Variants in NBPF3 observed in about 807,000 individuals in gnomAD.
NBPF3 encodes the protein NBPF member 3.
A neutral mutation model predicts 78.1 loss-of-function variants in NBPF3; 57 were observed. The observed-to-expected ratio is 0.73, with a 90% CI of 0.59 to 0.91. The LOEUF (loss-of-function observed/expected upper bound fraction) is 0.91, where lower values mean the gene tolerates loss of function less well. Among genes scored for constraint, NBPF3 ranks in the 40% least tolerant of loss-of-function variants. The probability of loss-of-function intolerance (pLI) is 0.00; values close to 1 mark genes in which losing one functional copy is unlikely to be tolerated. For synonymous variants in NBPF3, 182 were observed against 271.7 expected (o/e 0.67, Z 3.25); for missense variants, 510 against 715.3 (o/e 0.71, Z 3.27).
At chr1:21,454,523 A>G (rs576767476) in intron 2 of NBPF3, among the ~76,000 whole-genome samples, 2 of 152,166 alleles carry the variant, frequency 1.3e-5, no homozygotes, top group Non-Finnish European at 2.9e-5. Context: ...AGACCTGATA[A>G]TATGACTTAT....
chr1:21,469,754 A>G (rs1015378669), intron 3 of NBPF3, among the ~76,000 whole-genome samples: 6 of 152,100 alleles, frequency 3.9e-5, no homozygotes, highest in Non-Finnish European at 5.9e-5. Context: ...GGTGAGAGGG[A>G]AGTCCTGCTT....
In NBPF3 at chr1:21,445,770, C is replaced by G. The variant is rs534574665; in HGVS notation, c.133+551C>G. On this transcript the variant is annotated intron_variant, in intron 2 of 14. Transcript: ENST00000318249. ...AAAGTGGCCACTTTTGAAGGCCTTT[C>G]CCACCTCCCATTCCAGAATCCTGTA... is the stretch of plus-strand genomic sequence containing the variant. 2.1e-3 allele frequency among the ~76,000 whole-genome samples: 321 copies of G among 152,256 alleles called. 6 individuals are homozygous for G. The highest frequency in any genetic ancestry group is 6.6e-4 in the Non-Finnish European group (45 of 68,028).
intron 1 of NBPF3, among the ~76,000 whole-genome samples, chr1:21,444,294 C>T (rs1162074203): frequency 3.3e-5 from 5 of 152,202 alleles, no homozygotes; most frequent in Admixed American, 6.5e-5. Flanking sequence ...AATAAACCTT[C>T]GTATGTGTAG....
chr1:21,445,371 T>C (rs1640907751), intron 2 of NBPF3, 152 bp downstream of exon 2: 1 of 956,682 alleles, frequency 1.0e-6, no homozygotes, highest in Non-Finnish European at 1.5e-6. Context: ...GTTAAATGAA[T>C]GAACAAATAT....
In NBPF3 at chr1:21,478,269, T is replaced by A; in HGVS notation, c.1118T>A (p.Val373Glu). The A allele has an allele frequency of 6.2e-7, 1 of 1,614,086 alleles. No individual in the cohort carries two copies. Among genetic ancestry groups the A allele is most frequent in the Non-Finnish European group, 8.5e-7 (1 of 1,180,012 alleles). ...TCTGACAGGAGCACCTTTCACTCAGTAGAGGAACAGCAAGTCGGCTTGGCT... is the reference window on the plus strand; with the variant it reads ...TCTGACAGGAGCACCTTTCACTCAGAAGAGGAACAGCAAGTCGGCTTGGCT... ...YQSDRSTFHSVEEQQVGLALD... is the reference protein window; with the variant it reads ...YQSDRSTFHSEEEQQVGLALD... Residue 373 changes from valine to glutamate, a missense_variant, in exon 9 of 15, where the codon GTA (valine) becomes GAA (glutamate). Physicochemically the swap from Val to Glu is moderately radical, Grantham distance 121. Transcript: ENST00000318249.
intron 3 of NBPF3, among the ~76,000 whole-genome samples, chr1:21,469,817 T>C (rs191747033): frequency 1.3e-5 from 2 of 152,158 alleles, no homozygotes; most frequent in South Asian, 2.1e-4. Context: ...CACCCGAGAT[T>C]GTGTGGAAGT....
chr1:21,467,508 C>T (rs781317647), intron 2 of NBPF3, among the ~76,000 whole-genome samples: 5 of 152,206 alleles, frequency 3.3e-5, no homozygotes, highest in Non-Finnish European at 5.9e-5. Flanking sequence ...GTGACCATAA[C>T]CTTGATCTTG....
At chr1:21,482,061 C>T (rs945915757) in intron 13 of NBPF3, among the ~76,000 whole-genome samples, 1 of 149,656 alleles carries the variant, frequency 6.7e-6, no homozygotes, top group African/African-American at 2.5e-5. Context: ...ATGATTTTGA[C>T]TCAAGGGTTT....
At chr1:21,444,690 TGGGACTACAAGTGTGTGCCA>T (rs1390593651) in intron 1 of NBPF3, among the ~76,000 whole-genome samples, 1 of 152,168 alleles carries the variant, frequency 6.6e-6, no homozygotes, top group Non-Finnish European at 1.5e-5. Flanking sequence ...CCCGAGTAGC[TGGGACTACAAGTGTGTGCCA>T]CCATGCTCAG....
intron 2 of NBPF3, among the ~76,000 whole-genome samples, chr1:21,446,699 T>A (rs1371507837): frequency 1.3e-5 from 2 of 151,916 alleles, no homozygotes; most frequent in Non-Finnish European, 2.9e-5. Flanking sequence ...ACCTACATTA[T>A]TTACCAAAAT....
At chr1:21,478,611 A>G (rs1002034684) in intron 9 of NBPF3, among the ~76,000 whole-genome samples, 1 of 152,218 alleles carries the variant, frequency 6.6e-6, no homozygotes, top group African/African-American at 2.4e-5. Flanking sequence ...TATGTCCAGG[A>G]GTTGTCTGTC....
In NBPF3 at chr1:21,479,806, C is replaced by CTCTCTCTA. The variant is rs1553398278; in HGVS notation, c.1209-238_1209-237insATCTCTCT. 1.9e-4 allele frequency among the ~76,000 whole-genome samples: 17 copies of CTCTCTCTA among 87,544 alleles called. No homozygotes were observed. The East Asian group carries it at 3.5e-3, about 18-fold the overall frequency. 57.4% of individuals were successfully genotyped at this position (87,544 alleles called of 152,430 possible). A position where few individuals can be genotyped will look rare whatever the true frequency, so the allele number is the denominator to read the frequency against. On this transcript the variant is annotated intron_variant, in intron 10 of 14. Transcript: ENST00000318249. Reference sequence around the variant, plus strand: ...CTGAGCTCACTATCTCTCTCTCTCTCTCTCTCTCTCTCTCTGTGTGTGTGT... The same window carrying CTCTCTCTA: ...CTGAGCTCACTATCTCTCTCTCTCTCTCTCTCTATCTCTCTCTCTCTCTGTGTGTGTGT...
intron 2 of NBPF3, 29 bp from the exon 3 acceptor site, chr1:21,468,659 C>G (rs1400342254): frequency 1.2e-6 from 2 of 1,612,378 alleles, no homozygotes; most frequent in East Asian, 4.5e-5. Flanking sequence ...GTTTTTAACC[C>G]ATCGTGTGTT....
chr1:21,444,817 C>G (rs1173199208), intron 1 of NBPF3, 131 bp from the exon 2 acceptor site: 5 of 337,108 alleles, frequency 1.5e-5, no homozygotes, highest in South Asian at 4.9e-5. Flanking sequence ...CCAACCACCT[C>G]TAGTTCCCAC....
In NBPF3 at chr1:21,468,737, C is replaced by T. The variant is rs149139864; in HGVS notation, c.183C>T (p.Ala61=). 5.4e-4 allele frequency: 866 copies of T among 1,613,472 alleles called. 10 individuals are homozygous for T. Among genetic ancestry groups the T allele is most frequent in the Admixed American group, 4.7e-4 (28 of 59,994 alleles). ...CAAACGTCAGCATGGTGGTATCTGC[C>T]GGCCCTTGGTCCGGTGAGAAGGCAG... The part of the protein sequence containing the change: ...SATNVSMVVS[A]GPWSGEKAEM... The change falls in exon 3 of 15, where the codon GCC becomes GCT. Residue 61 remains alanine, a synonymous_variant. Transcript: ENST00000318249.
chr1:21,464,919 A>T (rs1642168987), intron 2 of NBPF3, among the ~76,000 whole-genome samples: 1 of 150,054 alleles, frequency 6.7e-6, no homozygotes. Flanking sequence ...AGGCAGGAGG[A>T]TCGCTTGAGC....
intron 2 of NBPF3, among the ~76,000 whole-genome samples, chr1:21,450,158 T>TA (rs887473676): frequency 1.8e-4 from 6 of 33,516 alleles, no homozygotes; most frequent in Non-Finnish European, 4.9e-4. Flanking sequence ...GCTGGCTGTG[T>TA]TTTTTTTCTA....
intron 5 of NBPF3, 45 bp from the exon 6 acceptor site, chr1:21,472,798 A>G (rs1358984627): frequency 1.5e-6 from 2 of 1,355,560 alleles, no homozygotes; most frequent in Non-Finnish European, 2.1e-6. Flanking sequence ...GTGCTTGCAG[A>G]GTGTGAATTG....
At chr1:21,457,167 C>CT (rs138012048) in intron 2 of NBPF3, among the ~76,000 whole-genome samples, 2 of 149,680 alleles carry the variant, frequency 1.3e-5, no homozygotes, top group Non-Finnish European at 3.0e-5. Context: ...TGGTGGCTCA[C>CT]GTGTGTGTGT....
Sources: gnomAD v4.1 joint callset for allele counts (sites outside exome capture counted in the v4.1 genomes callset) on GRCh38, gnomAD v4.1.1 for gene constraint, MANE v1.5 for transcripts, NCBI Gene and HGNC (gene_info 2026-07-23, HGNC 2026-07-21) for gene names.